DOCK2: variants seen among roughly 807,000 people sequenced by gnomAD.
DOCK2 encodes the protein dedicator of cytokinesis 2.
DOCK2 carries 87 observed loss-of-function variants against 248.9 expected under a neutral mutation model. The ratio of observed to expected loss-of-function variants is 0.35; its 90% CI spans 0.29 to 0.42. The LOEUF (loss-of-function observed/expected upper bound fraction) is 0.42, where lower values mean the gene tolerates loss of function less well. DOCK2 is among the 10% of genes least tolerant of loss of function. The pLI is 1.00. For synonymous variants in DOCK2, 805 were observed against 821.6 expected, an observed-to-expected ratio of 0.98 and a Z score of 0.35; for missense variants, 1,747 against 2,300.2, an observed-to-expected ratio of 0.76 and a Z score of 4.92.
intron 15 of DOCK2, among the ~76,000 whole-genome samples, chr5:169,711,481 G>A (rs1051810529): frequency 4.6e-5 from 7 of 152,174 alleles, no homozygotes; most frequent in Non-Finnish European, 8.8e-5. Context: ...TTGGATTAAA[G>A]CATTTTTATT....
intron 27 of DOCK2, among the ~76,000 whole-genome samples, chr5:169,848,157 T>C (rs1370885199): frequency 1.3e-5 from 2 of 152,226 alleles, no homozygotes; most frequent in Non-Finnish European, 2.9e-5. Flanking sequence ...TCAGAGAGGT[T>C]AAAATATATT....
intron 48 of DOCK2, among the ~76,000 whole-genome samples, chr5:170,078,335 T>C (rs1328439858): frequency 6.6e-6 from 1 of 152,082 alleles, no homozygotes; most frequent in Non-Finnish European, 1.5e-5. Context: ...TGTTGGACCC[T>C]CCAGAAACTT....
chr5:169,669,160 C>A, intron 2 of DOCK2, 128 bp from the exon 3 acceptor site: 1 of 1,063,982 alleles, frequency 9.4e-7, no homozygotes, highest in Non-Finnish European at 1.4e-6. Context: ...AGAGTTTGAT[C>A]TGTACCCAAG....
At chr5:169,965,652 A>G (rs1777272097) in intron 27 of DOCK2, among the ~76,000 whole-genome samples, 1 of 152,210 alleles carries the variant, frequency 6.6e-6, no homozygotes. Flanking sequence ...TTTAGGAACC[A>G]TGGCCTCAGA....
intron 25 of DOCK2, among the ~76,000 whole-genome samples, chr5:169,766,809 C>T (rs568179862): frequency 3.6e-4 from 54 of 152,084 alleles, no homozygotes; most frequent in African/African-American, 1.3e-3. Flanking sequence ...CTCTTGTCAC[C>T]CAGGCTGGAG....
chr5:169,682,623 T>A (rs1342062079), intron 7 of DOCK2, among the ~76,000 whole-genome samples: 1 of 152,212 alleles, frequency 6.6e-6, no homozygotes, highest in Non-Finnish European at 1.5e-5. Context: ...TTATTTTAGC[T>A]ACTCTGTGTT....
intron 23 of DOCK2, 130 bp from the exon 24 acceptor site, chr5:169,759,575 C>A: frequency 1.0e-6 from 1 of 973,036 alleles, no homozygotes; most frequent in Non-Finnish European, 1.5e-6. Context: ...CAGAGGCTTC[C>A]ATCAATATTG....
chr5:169,932,258 G>A (rs1483492538), intron 27 of DOCK2, among the ~76,000 whole-genome samples: 1 of 152,218 alleles, frequency 6.6e-6, no homozygotes, highest in African/African-American at 2.4e-5. Flanking sequence ...GCCCTGTTAT[G>A]AGGAAGGAGC....
intron 26 of DOCK2, among the ~76,000 whole-genome samples, chr5:169,817,764 A>G (rs1273611851): frequency 6.6e-6 from 1 of 152,210 alleles, no homozygotes; most frequent in African/African-American, 2.4e-5. Flanking sequence ...CTCTCCAAGG[A>G]CAGGGCTGAT....
chr5:169,993,629 C>G (rs1561871310), intron 29 of DOCK2, among the ~76,000 whole-genome samples: 1 of 151,806 alleles, frequency 6.6e-6, no homozygotes, highest in South Asian at 2.1e-4. Flanking sequence ...GTTCAACAGT[C>G]ATGAAAGTAT....
rs556632250 is a variant in DOCK2 at position 169,830,863 on chromosome 5, A to C, written c.2704-9894A>C. Among the ~76,000 whole-genome samples the C allele has an allele frequency of 5.9e-5, 9 of 152,322 alleles. No individual in the cohort carries two copies. The South Asian group carries it at 1.9e-3, about 32-fold the overall frequency. On this transcript the variant is annotated intron_variant, in intron 26 of 51. Coordinates refer to ENST00000520908, the MANE Select transcript of DOCK2 (RefSeq NM_004946.3). ...GCCCCAAGGTTACATCTATAGCCCCAGCATGGGACGGGAGACCTGCTGGGT... is the reference window on the plus strand; with the variant it reads ...GCCCCAAGGTTACATCTATAGCCCCCGCATGGGACGGGAGACCTGCTGGGT...
intron 25 of DOCK2, among the ~76,000 whole-genome samples, chr5:169,798,449 C>A (rs530568598): frequency 6.6e-6 from 1 of 152,330 alleles, no homozygotes; most frequent in Non-Finnish European, 1.5e-5. Context: ...CCAAGGAGAT[C>A]TTTCATATCT....
intron 9 of DOCK2, 118 bp from the exon 10 acceptor site, chr5:169,695,685 T>C (rs1164229126): frequency 7.3e-7 from 1 of 1,373,380 alleles, no homozygotes; most frequent in African/African-American, 1.5e-5. Context: ...GTATGATTGG[T>C]CCATGTATAG....
At chr5:169,741,762 T>C (rs1038425286) in intron 22 of DOCK2, among the ~76,000 whole-genome samples, 2 of 151,322 alleles carry the variant, frequency 1.3e-5, no homozygotes, top group Non-Finnish European at 2.9e-5. Context: ...CCTGGGGTCA[T>C]AAATTATTTA....
intron 23 of DOCK2, among the ~76,000 whole-genome samples, chr5:169,752,355 G>C (rs1763941602): frequency 6.6e-6 from 1 of 152,128 alleles, no homozygotes; most frequent in African/African-American, 2.4e-5. Flanking sequence ...TGTCCAGGAG[G>C]GCAGGGGACT....
chr5:169,804,503 T>C (rs5007552), intron 26 of DOCK2, among the ~76,000 whole-genome samples: 13,715 of 50,580 alleles, frequency 0.27, 877 homozygotes, highest in South Asian at 0.52. Flanking sequence ...CGCGTGCGCG[T>C]AAGCATTTTT....
chr5:169,961,751 G>A (rs925867175), intron 27 of DOCK2, among the ~76,000 whole-genome samples: 2 of 152,174 alleles, frequency 1.3e-5, no homozygotes, highest in Non-Finnish European at 2.9e-5. Context: ...GCCGAGGTGG[G>A]CAGATTACTA....
At chr5:169,920,201 T>C (rs548078232) in intron 27 of DOCK2, among the ~76,000 whole-genome samples, 1 of 152,318 alleles carries the variant, frequency 6.6e-6, no homozygotes, top group East Asian at 1.9e-4. Context: ...CTTCAGAGAC[T>C]CAGCTCCTCA....
chr5:169,753,300 C>T (rs900464319), intron 23 of DOCK2, among the ~76,000 whole-genome samples: 1 of 152,054 alleles, frequency 6.6e-6, no homozygotes, highest in African/African-American at 2.4e-5. Context: ...AACCTGTCAT[C>T]TAGGTTTTAA....
Sources: gnomAD v4.1 joint callset for allele counts (sites outside exome capture counted in the v4.1 genomes callset) on GRCh38, gnomAD v4.1.1 for gene constraint, MANE v1.5 for transcripts, NCBI Gene and HGNC (gene_info 2026-07-23, HGNC 2026-07-21) for gene names.